Variants in PPA2 observed in about 807,000 individuals in gnomAD.
PPA2 encodes the protein inorganic pyrophosphatase 2, mitochondrial.
In PPA2, 48 loss-of-function variants were observed where a neutral mutation model predicts 49.5. That is an observed-to-expected ratio of 0.97 (90% confidence interval 0.77 to 1.23). PPA2 has a LOEUF of 1.23. PPA2 is among the 50% of genes most tolerant of loss of function. The pLI, the probability that PPA2 is intolerant of heterozygous loss-of-function variation, is 0.00. For synonymous variants in PPA2, 131 were observed against 139.9 expected (o/e 0.94, Z 0.45); for missense variants, 429 against 410.1 (o/e 1.05, Z -0.40).
intron 10 of PPA2, among the ~76,000 whole-genome samples, chr4:105,381,530 C>T (rs1733488834): frequency 6.6e-6 from 1 of 151,922 alleles, no homozygotes; most frequent in South Asian, 2.1e-4. Flanking sequence ...GGAAAAATTG[C>T]CATCTTCATG....
chr4:105,371,454 A>T (rs1312373865), intron 10 of PPA2, among the ~76,000 whole-genome samples: 1 of 152,176 alleles, frequency 6.6e-6, no homozygotes, highest in South Asian at 2.1e-4. Flanking sequence ...AGCCATAAAG[A>T]TTTAGTTTAA....
chr4:105,441,377 T>TA (rs201084036), intron 5 of PPA2, among the ~76,000 whole-genome samples: 2,585 of 152,214 alleles, frequency 0.017, 23 homozygotes, highest in Non-Finnish European at 0.027. Flanking sequence ...AAATACTAGT[T>TA]AAAATCACAA....
In PPA2 at chr4:105,391,344, C is replaced by CAAAAAA. The variant is rs11373169; in HGVS notation, c.870-4714_870-4709dup. On this transcript the variant is annotated intron_variant, in intron 9 of 11. Coordinates refer to ENST00000341695, the MANE Select transcript of PPA2 (RefSeq NM_176869.3). ...ACATGTATCCTGGAACTTAAAGTAA[C>CAAAAAA]AAAAAAAAAAAAAAAAAAAGGAAGT... Among the ~76,000 whole-genome samples, 27 of 102,502 alleles carry CAAAAAA rather than the reference C, an allele frequency of 2.6e-4. 1 individual carries two copies. Among genetic ancestry groups the CAAAAAA allele is most frequent in the East Asian group, 6.1e-4 (2 of 3,260 alleles). The allele number at this position is 102,502 out of a possible 152,430, so 67.2% of individuals were successfully genotyped here.
intron 10 of PPA2, among the ~76,000 whole-genome samples, chr4:105,377,597 A>G (rs1297729414): frequency 2.0e-5 from 3 of 152,154 alleles, no homozygotes; most frequent in South Asian, 2.1e-4. Context: ...CTGTAATTTG[A>G]TAAGTTTTGA....
At chr4:105,464,286 G>A (rs150395931) in intron 1 of PPA2, among the ~76,000 whole-genome samples, 18 of 152,318 alleles carry the variant, frequency 1.2e-4, no homozygotes, top group African/African-American at 4.3e-4. Context: ...TATGGGGCCT[G>A]TAGCCCCTTT....
chr4:105,459,803 C>G (rs28415199), intron 1 of PPA2, among the ~76,000 whole-genome samples: 3,106 of 152,180 alleles, frequency 0.02, 49 homozygotes, highest in Middle Eastern at 0.061. Context: ...CTGTATCAAG[C>G]GAAAGAAGCT....
chr4:105,427,543 C>T (rs1016319988), intron 6 of PPA2, among the ~76,000 whole-genome samples: 4 of 152,026 alleles, frequency 2.6e-5, no homozygotes, highest in Non-Finnish European at 4.4e-5. Flanking sequence ...ACGAGAACTT[C>T]GTGAAGCATA....
At chr4:105,409,793 G>C (rs113459550) in intron 7 of PPA2, among the ~76,000 whole-genome samples, 3,108 of 152,326 alleles carry the variant, frequency 0.02, 48 homozygotes, top group Middle Eastern at 0.061. Flanking sequence ...TGGGCCTCCA[G>C]CAAATTCCAA....
At chr4:105,449,583 C>G (rs528450633) in intron 3 of PPA2, among the ~76,000 whole-genome samples, 180 bp from the exon 4 acceptor site, 1 of 152,264 alleles carries the variant, frequency 6.6e-6, no homozygotes, top group East Asian at 1.9e-4. Flanking sequence ...TAAAACACAG[C>G]CAAATTTAGG....
At chr4:105,383,116 T>A (rs749611639) in intron 10 of PPA2, among the ~76,000 whole-genome samples, 16 of 152,242 alleles carry the variant, frequency 1.1e-4, no homozygotes, top group Non-Finnish European at 2.2e-4. Context: ...CTCCCTTTTA[T>A]GGTTCCCTAG....
chr4:105,448,419 G>A (rs1223968617), intron 4 of PPA2, among the ~76,000 whole-genome samples: 1 of 151,924 alleles, frequency 6.6e-6, no homozygotes, highest in African/African-American at 2.4e-5. Context: ...CAAAGTTATA[G>A]AAGGTTTATA....
chr4:105,414,571 A>C (rs1010823507), intron 7 of PPA2, among the ~76,000 whole-genome samples: 1 of 152,208 alleles, frequency 6.6e-6, no homozygotes, highest in African/African-American at 2.4e-5. Flanking sequence ...CTTCCACTAG[A>C]GGCTCCAGGA....
chr4:105,418,179 T>G (rs977849314), intron 7 of PPA2, among the ~76,000 whole-genome samples: 2 of 152,238 alleles, frequency 1.3e-5, no homozygotes, highest in African/African-American at 4.8e-5. Context: ...CAGTACATTC[T>G]GCTGTCTTCT....
chr4:105,395,456 G>T (rs2110389574), intron 9 of PPA2, among the ~76,000 whole-genome samples: 1 of 152,164 alleles, frequency 6.6e-6, no homozygotes, highest in East Asian at 1.9e-4. Flanking sequence ...TTCGTCAATT[G>T]TACTTGTTAC....
chr4:105,455,570 G>A (rs184121111), intron 2 of PPA2, among the ~76,000 whole-genome samples: 144 of 152,248 alleles, frequency 9.5e-4, no homozygotes, highest in Non-Finnish European at 1.6e-3. Flanking sequence ...AAGCCAGAAG[G>A]ATTGAGATAA....
At chr4:105,398,870 G>A in intron 8 of PPA2, 167 bp downstream of exon 8, 1 of 590,298 alleles carries the variant, frequency 1.7e-6, no homozygotes, top group South Asian at 3.5e-5. Context: ...TAGATCTTCT[G>A]AAACAGAATT....
At chr4:105,459,427 G>T (rs1722998231) in intron 1 of PPA2, among the ~76,000 whole-genome samples, 1 of 152,098 alleles carries the variant, frequency 6.6e-6, no homozygotes, top group Non-Finnish European at 1.5e-5. Flanking sequence ...ACTAAAGTGG[G>T]CCACATTTAC....
chr4:105,374,513 G>A (rs1733158559), intron 10 of PPA2, among the ~76,000 whole-genome samples: 1 of 152,132 alleles, frequency 6.6e-6, no homozygotes, highest in Non-Finnish European at 1.5e-5. Context: ...CATTGCCAAA[G>A]TATTCCTTTC....
intron 1 of PPA2, among the ~76,000 whole-genome samples, chr4:105,459,147 C>A (rs987657451): frequency 6.6e-6 from 1 of 152,030 alleles, no homozygotes; most frequent in African/African-American, 2.4e-5. Flanking sequence ...ACCCTAGCAA[C>A]AAGGTAATTC....
Sources: allele counts gnomAD v4.1 joint callset (sites outside exome capture counted in the v4.1 genomes callset), GRCh38; gene constraint gnomAD v4.1.1; transcripts MANE v1.5; gene names NCBI Gene and HGNC (gene_info 2026-07-23, HGNC 2026-07-21).